GRID2: variants seen among roughly 807,000 people sequenced by gnomAD.
The protein encoded by GRID2 is glutamate ionotropic receptor delta type subunit 2, also known as glutamate receptor ionotropic, delta-2.
Under a neutral mutation model 114.8 loss-of-function variants are expected in GRID2, and 33 were observed. The ratio of observed to expected loss-of-function variants is 0.29; its 90% CI spans 0.22 to 0.38. GRID2 has a LOEUF of 0.38. Among genes scored for constraint, GRID2 ranks in the 10% least tolerant of loss-of-function variants. The pLI, the probability that GRID2 is intolerant of heterozygous loss-of-function variation, is 1.00. For missense variants in GRID2, 1,184 were observed against 1,257.7 expected (o/e 0.94, Z 0.89); for synonymous variants, 505 against 449.9 (o/e 1.12, Z -1.55).
chr4:93,629,840 C>T lies in GRID2; in HGVS notation c.2360+3405C>T, dbSNP rs543917909. Among the ~76,000 whole-genome samples, 23 of 152,150 alleles carry T rather than the reference C, an allele frequency of 1.5e-4. No individual in the cohort carries two copies. In the South Asian group the frequency reaches 3.5e-3, roughly 23 times the overall value. The stretch of plus-strand genomic sequence containing the variant: ...CATTTATTATCTGCTACCTGCCAGA[C>T]GTCTTATATGTTTATATATTTCATA... On this transcript the variant is annotated intron_variant, in intron 14 of 15. Transcript: ENST00000282020.
intron 2 of GRID2, among the ~76,000 whole-genome samples, chr4:92,593,260 G>T (rs1230542927): frequency 6.6e-6 from 1 of 151,890 alleles, no homozygotes; most frequent in Non-Finnish European, 1.5e-5. Flanking sequence ...TCACTCAGAG[G>T]TTAGATAAGT....
At chr4:93,058,609 T>TAA (rs1437579294) in intron 2 of GRID2, among the ~76,000 whole-genome samples, 1 of 151,966 alleles carries the variant, frequency 6.6e-6, no homozygotes, top group Non-Finnish European at 1.5e-5. Context: ...AATCACTGTT[T>TAA]AAGGTAGAAT....
intron 2 of GRID2, among the ~76,000 whole-genome samples, chr4:92,899,115 T>A: frequency 6.6e-6 from 1 of 152,092 alleles, no homozygotes; most frequent in Non-Finnish European, 1.5e-5. Flanking sequence ...TTGAAAAGAA[T>A]AAAATTTTGA....
chr4:92,941,032 T>G (rs958595169), intron 2 of GRID2, among the ~76,000 whole-genome samples: 1 of 152,200 alleles, frequency 6.6e-6, no homozygotes, highest in Non-Finnish European at 1.5e-5. Flanking sequence ...AAATTCTCTT[T>G]TATTGTTGTG....
intron 2 of GRID2, among the ~76,000 whole-genome samples, chr4:92,763,307 C>G (rs1024549782): frequency 1.3e-5 from 2 of 152,154 alleles, no homozygotes; most frequent in African/African-American, 4.8e-5. Flanking sequence ...GAGCTTACAA[C>G]TGAATGATAG....
intron 2 of GRID2, among the ~76,000 whole-genome samples, chr4:92,647,372 TC>T (rs1263981054): frequency 6.9e-6 from 1 of 145,762 alleles, no homozygotes; most frequent in Non-Finnish European, 1.5e-5. Context: ...AATAAAAAAT[TC>T]TAACCAATAA....
intron 1 of GRID2, among the ~76,000 whole-genome samples, chr4:92,507,377 C>T (rs1007819295): frequency 6.0e-5 from 9 of 151,054 alleles, no homozygotes; most frequent in African/African-American, 1.9e-4. Flanking sequence ...TTTCCCACTG[C>T]CTACTCCACT....
intron 2 of GRID2, among the ~76,000 whole-genome samples, chr4:92,671,447 T>G (rs1353373672): frequency 6.6e-6 from 1 of 152,098 alleles, no homozygotes; most frequent in African/African-American, 2.4e-5. Flanking sequence ...AAACATCATA[T>G]TATATGGGAA....
intron 1 of GRID2, among the ~76,000 whole-genome samples, chr4:92,498,720 T>G (rs1723519534): frequency 1.3e-5 from 2 of 151,980 alleles, no homozygotes; most frequent in South Asian, 2.1e-4. Flanking sequence ...ATTGTATAAA[T>G]TTACAGGGAA....
intron 1 of GRID2, among the ~76,000 whole-genome samples, chr4:92,481,981 G>GATATATATATAT (rs35103752): frequency 1.7e-4 from 8 of 47,210 alleles, no homozygotes; most frequent in South Asian, 7.5e-4. Context: ...AATAAAATGT[G>GATATATATATAT]ATATATATAT....
At chr4:92,929,391 T>C (rs1033919187) in intron 2 of GRID2, among the ~76,000 whole-genome samples, 3 of 151,302 alleles carry the variant, frequency 2.0e-5, no homozygotes, top group African/African-American at 7.3e-5. Context: ...TTAAAAAAAT[T>C]ATTTCTTCTT....
intron 14 of GRID2, among the ~76,000 whole-genome samples, chr4:93,764,793 T>C (rs951988719): frequency 1.3e-5 from 2 of 152,210 alleles, no homozygotes; most frequent in African/African-American, 4.8e-5. Flanking sequence ...ATAACCACAG[T>C]AACTCTTTGC....
chr4:93,742,876 CAA>C (rs761809720), intron 14 of GRID2, among the ~76,000 whole-genome samples: 1 of 151,990 alleles, frequency 6.6e-6, no homozygotes, highest in African/African-American at 2.4e-5. Context: ...AATGAAAAAA[CAA>C]AAAGAGTCTC....
At chr4:93,081,819 T>C (rs1729896358) in intron 2 of GRID2, among the ~76,000 whole-genome samples, 1 of 152,216 alleles carries the variant, frequency 6.6e-6, no homozygotes. Flanking sequence ...GACTATGCAT[T>C]CTATGAAACT....
chr4:93,240,388 C>T (rs1245334418), intron 8 of GRID2, among the ~76,000 whole-genome samples: 1 of 151,430 alleles, frequency 6.6e-6, no homozygotes, highest in African/African-American at 2.4e-5. Context: ...AAACAGTCTG[C>T]ACCTTTTCCT....
chr4:93,563,317 T>C (rs114727933), intron 13 of GRID2, among the ~76,000 whole-genome samples: 1,826 of 152,052 alleles, frequency 0.012, 25 homozygotes, highest in Non-Finnish European at 0.017. Context: ...AAATGGTGTA[T>C]ATCTTGTTGA....
At chr4:92,497,795 C>A (rs770098122) in intron 1 of GRID2, among the ~76,000 whole-genome samples, 14 of 151,926 alleles carry the variant, frequency 9.2e-5, no homozygotes, top group African/African-American at 2.6e-4. Flanking sequence ...CTTGCAAGAA[C>A]CTTTTCCTTT....
At chr4:92,372,492 A>T (rs1490102221) in intron 1 of GRID2, among the ~76,000 whole-genome samples, 1 of 152,186 alleles carries the variant, frequency 6.6e-6, no homozygotes, top group Non-Finnish European at 1.5e-5. Flanking sequence ...GAAGGTTCAG[A>T]TGGTTGTCTG....
At chr4:93,140,837 T>C (rs1353226438) in intron 4 of GRID2, among the ~76,000 whole-genome samples, 2 of 152,226 alleles carry the variant, frequency 1.3e-5, no homozygotes, top group East Asian at 3.8e-4. Flanking sequence ...ACTTAATGGC[T>C]AGACATGTTA....
Sources: allele counts gnomAD v4.1 joint callset (sites outside exome capture counted in the v4.1 genomes callset), GRCh38; gene constraint gnomAD v4.1.1; transcripts MANE v1.5; gene names NCBI Gene and HGNC (gene_info 2026-07-23, HGNC 2026-07-21).